Variants in NIF3L1 observed in about 807,000 individuals in gnomAD.
The protein encoded by NIF3L1 is NGG1 interacting factor 3 like 1.
Under a neutral mutation model 35.0 loss-of-function variants are expected in NIF3L1, and 26 were observed. That is an observed-to-expected ratio of 0.74 (90% CI 0.54 to 1.03). NIF3L1 has a LOEUF of 1.03. Among genes scored for constraint, NIF3L1 ranks in the 50% least tolerant of loss-of-function variants. The pLI is 0.00. For synonymous variants in NIF3L1, 157 were observed against 178.9 expected, an observed-to-expected ratio of 0.88 and a Z score of 0.98; for missense variants, 449 against 466.3, an observed-to-expected ratio of 0.96 and a Z score of 0.34.
intron 4 of NIF3L1, among the ~76,000 whole-genome samples, chr2:200,896,840 T>C (rs933159966): frequency 2.0e-5 from 3 of 152,134 alleles, no homozygotes; most frequent in Admixed American, 1.3e-4. Flanking sequence ...CACCACAGCC[T>C]CCCAAAGTGC....
At chr2:200,894,627 T>C (rs1275880231) in intron 3 of NIF3L1, among the ~76,000 whole-genome samples, 1 of 151,888 alleles carries the variant, frequency 6.6e-6, no homozygotes, top group African/African-American at 2.4e-5. Context: ...AGGCTGGTCT[T>C]GAACTCCTGA....
chr2:200,893,479 CT>C (rs2040242558), intron 3 of NIF3L1, 71 bp downstream of exon 3: 2 of 1,447,518 alleles, frequency 1.4e-6, no homozygotes, highest in East Asian at 4.6e-5. Flanking sequence ...GTCTATAACC[CT>C]GGTATTTAGG....
intron 5 of NIF3L1, among the ~76,000 whole-genome samples, chr2:200,897,771 C>G (rs1051411026): frequency 1.3e-5 from 2 of 152,162 alleles, no homozygotes; most frequent in African/African-American, 4.8e-5. Context: ...TCTGGCCTTT[C>G]CTGGTACTTT....
Position 200,892,027 on chromosome 2 carries a change from G to A in NIF3L1, c.84G>A (p.Met28Ile), listed in dbSNP as rs773007447. The change falls in exon 2 of 7, where the codon ATG becomes ATA. Residue 28 changes from methionine to isoleucine, a missense_variant. Met to Ile is a conservative substitution (Grantham distance 10). Transcript: ENST00000409020. Reference protein sequence around the residue: ...SLICNSSRSFMDLKALLSSLN... With the variant: ...SLICNSSRSFIDLKALLSSLN... ...TCTGCAATTCTTCCCGTTCCTTCAT[G>A]GATTTGAAGGCTCTCCTTTCTTCCT... 7.4e-6 allele frequency: 12 copies of A among 1,614,024 alleles called. No individual in the cohort carries two copies. In the East Asian group the frequency reaches 2.7e-4, roughly 36 times the overall value.
chr2:200,892,036 G>A lies in NIF3L1; in HGVS notation c.93G>A (p.Lys31=). 1 of 1,614,190 alleles carries A rather than the reference G, an allele frequency of 6.2e-7. No homozygotes were observed. The highest frequency in any genetic ancestry group is 8.5e-7 in the Non-Finnish European group (1 of 1,180,022). ...CTTCCCGTTCCTTCATGGATTTGAA[G>A]GCTCTCCTTTCTTCCTTGAATGACT... ...CNSSRSFMDL[K]ALLSSLNDFA... is the part of the protein sequence containing the mutation. Residue 31 remains lysine (K), a synonymous_variant, in exon 2 of 7, where the codon AAG becomes AAA. Coordinates refer to ENST00000409020, the MANE Select transcript of NIF3L1 (RefSeq NM_001369441.2).
rs1405306033 is a variant in NIF3L1, at chr2:200,903,785, G to T, written c.*107G>T. 3.4e-6 allele frequency: 3 copies of T among 878,408 alleles called. No homozygotes were observed. In the Admixed American group the frequency reaches 5.5e-5, roughly 16 times the overall value. 54.4% of individuals were successfully genotyped at this position (878,408 alleles called of 1,614,324 possible). A position where few individuals can be genotyped will look rare whatever the true frequency, so the allele number is the denominator to read the frequency against. ...GTGCTTCCAGAGAGTGTCTTCGAGG[G>T]TATCATCATTTCCGGTTTGTTAATC... On this transcript the variant is annotated 3_prime_UTR_variant, in exon 7 of 7. Coordinates refer to ENST00000409020, the MANE Select transcript of NIF3L1 (RefSeq NM_001369441.2).
chr2:200,891,958 C>T lies in NIF3L1; in HGVS notation c.15C>T (p.Cys5=), dbSNP rs761757896. 10 of 1,608,718 alleles carry T rather than the reference C, an allele frequency of 6.2e-6. No individual in the cohort carries two copies. The highest frequency in any genetic ancestry group is 5.1e-5 in the Admixed American group (3 of 59,080). The change falls in exon 2 of 7, where the codon TGC becomes TGT. Residue 5 remains cysteine, a synonymous_variant. Coordinates refer to ENST00000409020, the MANE Select transcript of NIF3L1 (RefSeq NM_001369441.2). MLSS[C]VRPVPTTVRF... is the part of the protein sequence containing the mutation. ...CTGATTTCTGTATGTTGTCATCTTG[C>T]GTACGCCCAGTCCCCACGACAGTCC...
At chr2:200,895,115 A>G in intron 3 of NIF3L1, 149 bp from the exon 4 acceptor site, 1 of 715,320 alleles carries the variant, frequency 1.4e-6, no homozygotes, top group South Asian at 1.9e-5. Flanking sequence ...ATTCTAGAAA[A>G]TGGATTAGTT....
Position 200,899,452 on chromosome 2 carries a change from T to C in NIF3L1, c.933T>C (p.Ala311=), listed in dbSNP as rs1293068693. ...SGSSVLQGVE[A]DLYLTGEMSH... ...GCAGCGTTCTGCAGGGTGTTGAGGC[T>C]GACCTTTACCTCACAGGTAGGACAG... Residue 311 remains alanine (A), a synonymous_variant, in exon 6 of 7, where the codon GCT becomes GCC. Transcript: ENST00000409020. 9.9e-6 allele frequency: 16 copies of C among 1,614,006 alleles called. No individual in the cohort carries two copies. Among genetic ancestry groups the C allele is most frequent in the Admixed American group, 1.7e-5 (1 of 60,012 alleles).
intron 2 of NIF3L1, 40 bp from the exon 3 acceptor site, chr2:200,893,206 A>T (rs374188399): frequency 5.0e-5 from 72 of 1,441,102 alleles, no homozygotes; most frequent in Non-Finnish European, 6.6e-5. Flanking sequence ...TTAATCTCTC[A>T]CCCCCCAAAA....
chr2:200,899,431 C>T lies in NIF3L1; in HGVS notation c.912C>T (p.Ser304=), dbSNP rs761099715. Residue 304 remains serine (S), a synonymous_variant, in exon 6 of 7, where the codon AGC becomes AGT. Transcript: ENST00000409020. ...VVALCAGSGS[S]VLQGVEADLY... is the part of the protein sequence containing the mutation. ...CCCTGTGTGCTGGTTCTGGGAGCAG[C>T]GTTCTGCAGGGTGTTGAGGCTGACC... The T allele has an allele frequency of 5.6e-6, 9 of 1,613,920 alleles. No homozygotes were observed. The highest frequency in any genetic ancestry group is 2.2e-5 in the East Asian group (1 of 44,888).
chr2:200,897,226 T>C lies in NIF3L1; in HGVS notation c.865+12T>C. The C allele has an allele frequency of 6.2e-7, 1 of 1,612,862 alleles. No homozygotes were observed. ...GGGGAGAACCTTAGGTAAATATAGC[T>C]CCTTCATCTATCCAGTATGCCTACT... On this transcript the variant is annotated intron_variant, in intron 5 of 6. Transcript: ENST00000409020.
rs747678178 is a variant in NIF3L1, at chr2:200,897,138, A to G, written c.789A>G (p.Ala263=). The G allele has an allele frequency of 6.2e-7, 1 of 1,613,982 alleles. No homozygotes were observed. The highest frequency in any genetic ancestry group is 8.5e-7 in the Non-Finnish European group (1 of 1,179,974). The change falls in exon 5 of 7, where the codon GCA becomes GCG. Residue 263 remains alanine, a synonymous_variant. Coordinates refer to ENST00000409020, the MANE Select transcript of NIF3L1 (RefSeq NM_001369441.2). ...CACTGGATGAATCTGTCTCCCTGGCAACCATGATTGATCGAATAAAAAGAC... is the reference window on the plus strand; with the variant it reads ...CACTGGATGAATCTGTCTCCCTGGCGACCATGATTGATCGAATAAAAAGAC... ...LCTLDESVSL[A]TMIDRIKRHL... is the part of the protein sequence containing the mutation.
intron 3 of NIF3L1, among the ~76,000 whole-genome samples, chr2:200,894,123 G>C (rs369398705): frequency 6.7e-6 from 1 of 149,114 alleles, no homozygotes; most frequent in Non-Finnish European, 1.5e-5. Flanking sequence ...GCAGTGAGCC[G>C]AGATCGCGCC....
At chr2:200,891,415 A>G (rs1448689603) in intron 1 of NIF3L1, among the ~76,000 whole-genome samples, 1 of 152,214 alleles carries the variant, frequency 6.6e-6, no homozygotes, top group African/African-American at 2.4e-5. Context: ...ATTACATAGT[A>G]GCTTTAGCAT....
chr2:200,899,125 AATT>A (rs1283693773), intron 5 of NIF3L1: 2 of 339,844 alleles, frequency 5.9e-6, no homozygotes, highest in Non-Finnish European at 1.1e-5. Flanking sequence ...TATTTTGCGC[AATT>A]TACAAAGGTT....
At chr2:200,897,896 C>A (rs1340694397) in intron 5 of NIF3L1, among the ~76,000 whole-genome samples, 2 of 152,140 alleles carry the variant, frequency 1.3e-5, no homozygotes, top group Non-Finnish European at 2.9e-5. Flanking sequence ...TGGGGTACAG[C>A]GGTTATAGGT....
Position 200,891,969 on chromosome 2 carries a change from T to C in NIF3L1, c.26T>C (p.Val9Ala), listed in dbSNP as rs2040200990. The C allele has an allele frequency of 6.2e-7, 1 of 1,612,722 alleles. No homozygotes were observed. The highest frequency in any genetic ancestry group is 1.1e-5 in the South Asian group (1 of 90,970). ...ATGTTGTCATCTTGCGTACGCCCAG[T>C]CCCCACGACAGTCCGGTTTGTAGAT... MLSSCVRP[V>A]PTTVRFVDSL... The change falls in exon 2 of 7, where the codon GTC becomes GCC. Residue 9 changes from valine (V) to alanine (A), a missense_variant. By Grantham distance (64) the Val-to-Ala change is moderately conservative. Transcript: ENST00000409020.
intron 6 of NIF3L1, among the ~76,000 whole-genome samples, chr2:200,901,535 T>A (rs2040410149): frequency 6.6e-6 from 1 of 152,204 alleles, no homozygotes; most frequent in South Asian, 2.1e-4. Flanking sequence ...CTGTCTCTGG[T>A]CTGTGAGGCA....
Sources: allele counts gnomAD v4.1 joint callset (sites outside exome capture counted in the v4.1 genomes callset), GRCh38; gene constraint gnomAD v4.1.1; transcripts MANE v1.5; gene names NCBI Gene and HGNC (gene_info 2026-07-23, HGNC 2026-07-21).